Variants in MTMR7 observed in about 807,000 individuals in gnomAD.
MTMR7 encodes the protein myotubularin related protein 7.
MTMR7 carries 76 observed loss-of-function variants against 81.2 expected under a neutral mutation model. The observed-to-expected ratio is 0.94, with a 90% CI of 0.78 to 1.13. The LOEUF is 1.13. MTMR7 is among the 50% of genes most tolerant of loss of function. MTMR7 has a pLI of 0.00. For synonymous variants in MTMR7, 372 were observed against 289.8 expected, an observed-to-expected ratio of 1.28 and a Z score of -2.88; for missense variants, 1,044 against 820.0, an observed-to-expected ratio of 1.27 and a Z score of -3.34.
At chr8:17,338,712 C>T (rs564618045) in intron 6 of MTMR7, 1 of 147,804 alleles carries the variant, frequency 6.8e-6, no homozygotes, top group African/African-American at 2.6e-5. Flanking sequence ...CAGTGAAAAT[C>T]TTCCAGCAAA....
intron 7 of MTMR7, among the ~76,000 whole-genome samples, chr8:17,320,226 T>C (rs371195778): frequency 7.2e-5 from 11 of 152,290 alleles, no homozygotes; most frequent in African/African-American, 2.6e-4. Flanking sequence ...TGCACTTGTG[T>C]CTTGCATTTT....
chr8:17,388,810 ACT>A (rs1821020321), intron 1 of MTMR7, among the ~76,000 whole-genome samples: 1 of 152,240 alleles, frequency 6.6e-6, no homozygotes, highest in South Asian at 2.1e-4. Context: ...AAAGGGGTAC[ACT>A]CTGTCCACCC....
intron 1 of MTMR7, among the ~76,000 whole-genome samples, chr8:17,401,133 T>C (rs2150583671): frequency 6.6e-6 from 1 of 152,268 alleles, no homozygotes; most frequent in East Asian, 1.9e-4. Context: ...TAGGTGTGTA[T>C]GTATGTTACA....
chr8:17,351,246 A>G (rs1325290096), intron 4 of MTMR7, among the ~76,000 whole-genome samples: 1 of 152,254 alleles, frequency 6.6e-6, no homozygotes, highest in Non-Finnish European at 1.5e-5. Context: ...ATTAAATAAC[A>G]GTAACATGCA....
At chr8:17,331,099 C>T (rs1818976982) in intron 7 of MTMR7, 51 bp downstream of exon 7, 1 of 1,570,662 alleles carries the variant, frequency 6.4e-7, no homozygotes, top group Admixed American at 2.0e-5. Context: ...TCCCTTTTGG[C>T]ATCAAAATAC....
Position 17,349,032 on chromosome 8 carries a change from G to A in MTMR7, c.518C>T (p.Ala173Val). Reference protein sequence around the residue: ...TELYVPKSATAHIIVGSSKFR... With the variant: ...TELYVPKSATVHIIVGSSKFR... ...TTTGGAACTCCCCACTATGATGTGT[G>A]CCGTGGCCGATTTGGGAACGTACAG... Residue 173 changes from alanine to valine, a missense_variant, in exon 5 of 14, where the codon GCA becomes GTA. Ala to Val is a moderately conservative substitution (Grantham distance 64). Transcript: ENST00000180173. 1 of 1,612,966 alleles carries A rather than the reference G, an allele frequency of 6.2e-7. No homozygotes were observed. Among genetic ancestry groups the A allele is most frequent in the South Asian group, 1.1e-5 (1 of 90,972 alleles).
At chr8:17,304,746 C>CATGTGTGTGTGTGTGTGTGTGTGTGT (rs1554504621) in intron 11 of MTMR7, among the ~76,000 whole-genome samples, 1 of 146,992 alleles carries the variant, frequency 6.8e-6, no homozygotes, top group Non-Finnish European at 1.5e-5. Context: ...GTGTTCGATT[C>CATGTGTGTGTGTGTGTGTGTGTGTGT]GTGTGTGTGT....
chr8:17,360,812 G>C (rs1434062228), intron 4 of MTMR7, among the ~76,000 whole-genome samples: 10 of 152,112 alleles, frequency 6.6e-5, no homozygotes, highest in African/African-American at 2.4e-4. Context: ...GGGAGAATGA[G>C]ATCCAGGCCA....
At chr8:17,307,735 A>G (rs1817548662) in intron 10 of MTMR7, among the ~76,000 whole-genome samples, 1 of 152,188 alleles carries the variant, frequency 6.6e-6, no homozygotes, top group Admixed American at 6.5e-5. Context: ...TTTCCTTTGT[A>G]GGGACATGGA....
intron 9 of MTMR7, among the ~76,000 whole-genome samples, chr8:17,310,137 A>C (rs1817701895): frequency 2.6e-5 from 4 of 151,896 alleles, no homozygotes; most frequent in Admixed American, 2.6e-4. Context: ...AGCTGGGACC[A>C]CAGGTGGGCT....
chr8:17,314,586 C>T (rs955093937), intron 7 of MTMR7, among the ~76,000 whole-genome samples: 3 of 152,156 alleles, frequency 2.0e-5, no homozygotes, highest in African/African-American at 7.2e-5. Context: ...TAAGAGGATT[C>T]ACTGTGATTT....
chr8:17,326,361 C>A (rs1200955006), intron 7 of MTMR7: 1 of 152,200 alleles, frequency 6.6e-6, no homozygotes, highest in Non-Finnish European at 1.5e-5. Context: ...CTTAAAAAAT[C>A]TGAACCGTGT....
At position 17,408,129 on chromosome 8, in the gene MTMR7, G is replaced by T. The variant is rs1013841128; in HGVS notation, c.24+5140C>A. 1.2e-4 allele frequency among the ~76,000 whole-genome samples: 7 copies of T among 59,502 alleles called. 2 individuals are homozygous for T. Among genetic ancestry groups the T allele is most frequent in the Non-Finnish European group, 3.4e-4 (6 of 17,722 alleles). The allele number at this position is 59,502 out of a possible 152,430, so 39.0% of individuals were successfully genotyped here. On this transcript the variant is annotated intron_variant, in intron 1 of 13. Transcript: ENST00000180173. ...GGAGAGGCCGGGCGCGGTGGCTCAC[G>T]CCTGTAATCCCAGCACTTTGGGAGG...
chr8:17,408,619 C>A (rs12548065), intron 1 of MTMR7, among the ~76,000 whole-genome samples: 1 of 151,820 alleles, frequency 6.6e-6, no homozygotes, highest in Non-Finnish European at 1.5e-5. Flanking sequence ...TTGGATAAGA[C>A]AATGAATGAG....
chr8:17,387,810 G>C (rs909587555), intron 1 of MTMR7, among the ~76,000 whole-genome samples: 2 of 152,062 alleles, frequency 1.3e-5, no homozygotes, highest in Non-Finnish European at 2.9e-5. Context: ...TTCCTATTCA[G>C]ATAAGGATTA....
At chr8:17,399,247 CA>C (rs1317378167) in intron 1 of MTMR7, among the ~76,000 whole-genome samples, 10 of 151,912 alleles carry the variant, frequency 6.6e-5, no homozygotes, top group Non-Finnish European at 1.2e-4. Flanking sequence ...AAGACTCCAC[CA>C]AAAAACGATT....
Position 17,300,122 on chromosome 8 carries a change from TG to T in MTMR7, c.1722del (p.Ser574ArgfsTer2). On this transcript the variant is annotated frameshift_variant, in exon 14 of 14. Transcript: ENST00000180173. LOFTEE classifies it high-confidence loss of function. Reference protein sequence around the residue: ...KHSGFSTSDNSIANTPQDYSG... With the variant: ...KHSGFSTSDNXIANTPQDYSG... ...CTGTAATCCTGGGGAGTGTTGGCTATGCTGTTGTCTGAGGTAGAAAACCCTG... is the reference window on the plus strand; with the variant it reads ...CTGTAATCCTGGGGAGTGTTGGCTATCTGTTGTCTGAGGTAGAAAACCCTG... 1 of 1,614,172 alleles carries T rather than the reference TG, an allele frequency of 6.2e-7. No individual in the cohort carries two copies. The highest frequency in any genetic ancestry group is 8.5e-7 in the Non-Finnish European group (1 of 1,180,012).
At chr8:17,397,479 C>A (rs946441527) in intron 1 of MTMR7, among the ~76,000 whole-genome samples, 2 of 152,138 alleles carry the variant, frequency 1.3e-5, no homozygotes, top group Admixed American at 6.5e-5. Context: ...GGAAGAGGCT[C>A]CTCTGCCTGC....
intron 4 of MTMR7, among the ~76,000 whole-genome samples, chr8:17,349,769 G>C (rs1006454667): frequency 6.6e-6 from 1 of 152,164 alleles, no homozygotes; most frequent in Non-Finnish European, 1.5e-5. Flanking sequence ...GGTAAGGATC[G>C]ATGTACTCTT....
Sources: gnomAD v4.1 joint callset for allele counts (sites outside exome capture counted in the v4.1 genomes callset) on GRCh38, gnomAD v4.1.1 for gene constraint, MANE v1.5 for transcripts, NCBI Gene and HGNC (gene_info 2026-07-23, HGNC 2026-07-21) for gene names.